CREBBP: variants seen among roughly 807,000 people sequenced by gnomAD.
CREBBP encodes CREB-binding protein.
CREBBP carries 19 observed loss-of-function variants against 265.0 expected under a neutral mutation model. The ratio of observed to expected loss-of-function variants is 0.07; its 90% CI spans 0.05 to 0.11. CREBBP has a LOEUF of 0.11. Among genes scored for constraint, CREBBP ranks in the 10% least tolerant of loss-of-function variants. CREBBP has a pLI of 1.00. For synonymous variants in CREBBP, 1,457 were observed against 1,223.7 expected (o/e 1.19, Z -3.98); for missense variants, 2,525 against 3,219.0 (o/e 0.78, Z 5.22).
At position 3,736,542 on chromosome 16, in the gene CREBBP, C is replaced by T. The variant is rs953950481; in HGVS notation, c.4560+108G>A. On this transcript the variant is annotated intron_variant, in intron 27 of 30. Transcript: ENST00000262367. ...GGCTTTTATTTTTCTGCTTTCTAAT[C>T]CTCATAAGTGAAGGTAATTAACAAG... The T allele has an allele frequency of 6.8e-6, 10 of 1,480,522 alleles. No homozygotes were observed. In the East Asian group the frequency reaches 2.3e-4, roughly 33 times the overall value. 91.7% of individuals were successfully genotyped at this position (1,480,522 alleles called of 1,614,324 possible).
intron 2 of CREBBP, among the ~76,000 whole-genome samples, chr16:3,835,944 C>G (rs2054440095): frequency 6.6e-6 from 1 of 151,868 alleles, no homozygotes; most frequent in African/African-American, 2.4e-5. Flanking sequence ...GGAGAACGGA[C>G]AAGCAAATTA....
rs373713533 is a variant in CREBBP, at chr16:3,875,502, C to T, written c.85+4330G>A. On this transcript the variant is annotated intron_variant, in intron 1 of 30. Transcript: ENST00000262367. ...ACCAGAACCAGAGGGAAAAGGGGGA[C>T]GCCCTAACCCAGGAGGAAGAATACA... is the stretch of plus-strand genomic sequence containing the variant. Among the ~76,000 whole-genome samples the T allele has an allele frequency of 9.9e-5, 15 of 152,220 alleles. No individual in the cohort carries two copies. The South Asian group carries it at 2.3e-3, about 23-fold the overall frequency.
chr16:3,879,448 G>A (rs1448827183), intron 1 of CREBBP, among the ~76,000 whole-genome samples: 1 of 152,202 alleles, frequency 6.6e-6, no homozygotes, highest in African/African-American at 2.4e-5. Flanking sequence ...CTTTCTCTAA[G>A]CATCAAAGGT....
chr16:3,856,116 A>T (rs1322734532), intron 1 of CREBBP, among the ~76,000 whole-genome samples: 1 of 152,146 alleles, frequency 6.6e-6, no homozygotes, highest in African/African-American at 2.4e-5. Context: ...TACCCCCCCA[A>T]ATAACAACAT....
chr16:3,760,629 C>T (rs2052695033), intron 16 of CREBBP, among the ~76,000 whole-genome samples: 2 of 151,998 alleles, frequency 1.3e-5, no homozygotes, highest in South Asian at 4.1e-4. Flanking sequence ...GTCTCAAACT[C>T]TTGATCTCAA....
chr16:3,773,633 AC>A, intron 13 of CREBBP, 117 bp downstream of exon 13: 1 of 1,065,260 alleles, frequency 9.4e-7, no homozygotes, highest in Non-Finnish European at 1.4e-6. Flanking sequence ...TGATACAAAG[AC>A]ATGAAATGTG....
chr16:3,852,446 C>T (rs932827777), intron 1 of CREBBP, among the ~76,000 whole-genome samples: 1 of 152,064 alleles, frequency 6.6e-6, no homozygotes, highest in African/African-American at 2.4e-5. Context: ...GCTGGGATTA[C>T]AGGTGTGAGC....
At chr16:3,736,232 G>A in intron 27 of CREBBP, 29 bp from the exon 28 acceptor site, 1 of 1,610,154 alleles carries the variant, frequency 6.2e-7, no homozygotes, top group Non-Finnish European at 8.5e-7. Flanking sequence ...ACAGTGAGAT[G>A]AGGGCCATGC....
chr16:3,823,126 G>C lies in CREBBP; in HGVS notation c.799-12347C>G, dbSNP rs1158963745. ...ACAGAACACCAAAATATTTCATAGT[G>C]ATTTCTCTGGATGGCTTGTAAGCAA... On this transcript the variant is annotated intron_variant, in intron 2 of 30. Coordinates refer to ENST00000262367, the MANE Select transcript of CREBBP (RefSeq NM_004380.3). Among the ~76,000 whole-genome samples the C allele has an allele frequency of 2.0e-5, 3 of 152,196 alleles. No individual in the cohort carries two copies. The East Asian group carries it at 5.8e-4, about 29-fold the overall frequency.
At chr16:3,753,301 T>C (rs1240598931) in intron 19 of CREBBP, among the ~76,000 whole-genome samples, 3 of 152,212 alleles carry the variant, frequency 2.0e-5, no homozygotes, top group Non-Finnish European at 2.9e-5. Flanking sequence ...ATTCAATACA[T>C]TGAGCATTTT....
At chr16:3,780,317 C>T (rs1417496682) in intron 8 of CREBBP, among the ~76,000 whole-genome samples, 1 of 151,668 alleles carries the variant, frequency 6.6e-6, no homozygotes, top group African/African-American at 2.4e-5. Context: ...TAATGACATG[C>T]CATCTATACT....
chr16:3,729,793 C>T lies in CREBBP; in HGVS notation c.5254G>A (p.Glu1752Lys), dbSNP rs922887368. The change falls in exon 31 of 31, where the codon GAG becomes AAG. Residue 1752 changes from glutamate (E) to lysine (K), a missense_variant. Physicochemically the swap from Glu to Lys is moderately conservative, Grantham distance 56 (BLOSUM62 1). Coordinates refer to ENST00000262367, the MANE Select transcript of CREBBP (RefSeq NM_004380.3). ...MVKWGLGLDDEGSSQGEPQSK... is the reference protein window; with the variant it reads ...MVKWGLGLDDKGSSQGEPQSK... ...TGTGGCTCGCCCTGGCTGCTGCCCT[C>T]GTCATCCAGGCCCAGCCCCCACTTC... 6.2e-7 allele frequency: 1 copy of T among 1,605,798 alleles called. No homozygotes were observed. Among genetic ancestry groups the T allele is most frequent in the Non-Finnish European group, 8.5e-7 (1 of 1,179,688 alleles).
chr16:3,739,527 T>C, intron 25 of CREBBP, 51 bp downstream of exon 25: 1 of 1,611,648 alleles, frequency 6.2e-7, no homozygotes, highest in South Asian at 1.1e-5. Flanking sequence ...CCCTGGTCTA[T>C]CCTAACACGG....
At chr16:3,798,654 T>A (rs113345073) in intron 3 of CREBBP, among the ~76,000 whole-genome samples, 10 of 152,164 alleles carry the variant, frequency 6.6e-5, no homozygotes, top group African/African-American at 2.4e-4. Context: ...CACATGGCTA[T>A]AATAAAAAGT....
At chr16:3,759,005 T>A in intron 16 of CREBBP, 33 bp from the exon 17 acceptor site, 2 of 1,513,532 alleles carry the variant, frequency 1.3e-6, no homozygotes, top group Non-Finnish European at 1.8e-6. Flanking sequence ...AGACACTTTG[T>A]AAAAGGTGCT....
chr16:3,838,355 C>T (rs1489160940), intron 2 of CREBBP, among the ~76,000 whole-genome samples: 2 of 152,116 alleles, frequency 1.3e-5, no homozygotes, highest in East Asian at 3.9e-4. Flanking sequence ...TGCATAACTA[C>T]TCTATGATGT....
In CREBBP at chr16:3,728,503, T is replaced by C. The variant is rs747190538; in HGVS notation, c.6544A>G (p.Met2182Val). 1.1e-5 allele frequency: 18 copies of C among 1,613,610 alleles called. No individual in the cohort carries two copies. The East Asian group carries it at 2.0e-4, about 18-fold the overall frequency. Residue 2182 changes from methionine to valine, a missense_variant, in exon 31 of 31, where the codon ATG (methionine) becomes GTG (valine). Around this residue, in one of 19 missense-constraint regions of CREBBP, gnomAD observed 473 missense variants for 459.3 expected, o/e 1.03. Coordinates refer to ENST00000262367, the MANE Select transcript of CREBBP (RefSeq NM_004380.3). The surrounding 1 kb of genome is among the most constrained non-coding windows in gnomAD (Gnocchi z 8.7). ...NIMNPGHNPN[M>V]ASMNPQYREM... ...CGGTACTGTGGATTCATACTCGCCA[T>C]GTTGGGGTTGTGTCCTGGGTTCATG...
At chr16:3,876,783 A>G (rs898863116) in intron 1 of CREBBP, among the ~76,000 whole-genome samples, 9 of 152,142 alleles carry the variant, frequency 5.9e-5, no homozygotes, top group African/African-American at 2.2e-4. Context: ...TTCGCAGCAC[A>G]TTCCGTATTT....
chr16:3,824,781 A>C (rs8047425), intron 2 of CREBBP, among the ~76,000 whole-genome samples: 1,937 of 152,284 alleles, frequency 0.013, 44 homozygotes, highest in African/African-American at 0.044. Flanking sequence ...TCTCTAAGCA[A>C]AATGTGCCAG....
Sources: allele counts gnomAD v4.1 joint callset (sites outside exome capture counted in the v4.1 genomes callset), GRCh38; gene constraint gnomAD v4.1.1; regional missense constraint gnomAD v4.1.1; non-coding constraint Gnocchi (gnomAD v3.1); transcripts MANE v1.5; gene names NCBI Gene and HGNC (gene_info 2026-07-23, HGNC 2026-07-21).